Variants in DAB1 observed in about 807,000 individuals in gnomAD.
DAB1 encodes the protein disabled homolog 1.
A neutral mutation model predicts 64.6 loss-of-function variants in DAB1; 15 were observed. The observed-to-expected ratio is 0.23, with a 90% CI of 0.16 to 0.36. DAB1 has a LOEUF of 0.36. Among genes scored for constraint, DAB1 ranks in the 10% least tolerant of loss-of-function variants. The pLI, the probability that DAB1 is intolerant of heterozygous loss-of-function variation, is 1.00. For synonymous variants in DAB1, 235 were observed against 251.9 expected, an observed-to-expected ratio of 0.93 and a Z score of 0.64; for missense variants, 596 against 706.7, an observed-to-expected ratio of 0.84 and a Z score of 1.78.
intron 1 of DAB1, among the ~76,000 whole-genome samples, chr1:57,415,246 A>AACAC (rs111517848): frequency 0.22 from 31,500 of 143,100 alleles, 3,497 homozygotes; most frequent in Non-Finnish European, 0.26. Flanking sequence ...TACCTCACAC[A>AACAC]ACACACACAC....
intron 1 of DAB1, among the ~76,000 whole-genome samples, chr1:57,354,787 G>C (rs1462584126): frequency 6.6e-6 from 1 of 152,132 alleles, no homozygotes; most frequent in Non-Finnish European, 1.5e-5. Flanking sequence ...CATAACTGGA[G>C]ACAGGCAGCA....
At chr1:58,407,302 T>C (rs959843793) in intron 3 of DAB1, among the ~76,000 whole-genome samples, 1 of 152,166 alleles carries the variant, frequency 6.6e-6, no homozygotes, top group Non-Finnish European at 1.5e-5. Flanking sequence ...TTCCACCCCT[T>C]TTCTATCTCT....
At chr1:57,381,075 G>A (rs1235686273) in intron 1 of DAB1, among the ~76,000 whole-genome samples, 2 of 152,088 alleles carry the variant, frequency 1.3e-5, no homozygotes, top group African/African-American at 4.8e-5. Context: ...ACAACCTCAT[G>A]TTTCCCTGTC....
chr1:58,094,268 C>T (rs1266161983), intron 5 of DAB1, among the ~76,000 whole-genome samples: 1 of 152,178 alleles, frequency 6.6e-6, no homozygotes, highest in Non-Finnish European at 1.5e-5. Flanking sequence ...AGCTTTGCAG[C>T]TCTGTCATCC....
chr1:57,545,975 A>G (rs1213551425), intron 7 of DAB1, among the ~76,000 whole-genome samples: 2 of 152,204 alleles, frequency 1.3e-5, no homozygotes, highest in Non-Finnish European at 2.9e-5. Context: ...TACTCCTAAG[A>G]GTCCAGCTGG....
intron 7 of DAB1, among the ~76,000 whole-genome samples, chr1:57,600,045 T>A (rs535539047): frequency 6.6e-6 from 1 of 152,188 alleles, no homozygotes; most frequent in East Asian, 1.9e-4. Context: ...TCACATTTGA[T>A]ACCTTCTCGA....
At chr1:57,878,885 A>G (rs1644097061) in intron 1 of DAB1, 1 of 152,126 alleles carries the variant, frequency 6.6e-6, no homozygotes. Context: ...TCTATGAAAT[A>G]AGCTTTTTTA....
chr1:57,871,492 T>C lies in DAB1; in HGVS notation n.87+12507A>G, dbSNP rs75849209. Among the ~76,000 whole-genome samples the C allele has an allele frequency of 9.0e-3, 1,370 of 152,300 alleles. 20 individuals carry two copies. Among genetic ancestry groups the C allele is most frequent in the African/African-American group, 0.032 (1,323 of 41,570 alleles). On this transcript the variant is annotated intron_variant and non_coding_transcript_variant, in intron 1 of 1. Coordinates refer to the DAB1 transcript ENST00000477280. ...GCTGGGTTATTTAAACCAGGTCATC[T>C]GATTGTAGAACCTGCGCATCAATCA... is the stretch of plus-strand genomic sequence containing the variant.
At chr1:57,861,376 G>A (rs1174699291) in intron 1 of DAB1, among the ~76,000 whole-genome samples, 3 of 152,206 alleles carry the variant, frequency 2.0e-5, no homozygotes, top group Admixed American at 2.0e-4. Flanking sequence ...GCCCTCTTCT[G>A]GGTTACAGAT....
chr1:57,369,015 C>T (rs771185187), intron 1 of DAB1, among the ~76,000 whole-genome samples: 32 of 152,148 alleles, frequency 2.1e-4, no homozygotes, highest in Non-Finnish European at 3.8e-4. Flanking sequence ...GTAAGCATGA[C>T]ATTTGCTCCA....
chr1:57,316,794 A>G lies in DAB1; in HGVS notation c.-136-25628T>C, dbSNP rs143669343. On this transcript the variant is annotated intron_variant, in intron 1 of 14. Coordinates refer to ENST00000371236, the MANE Select transcript of DAB1 (RefSeq NM_001365792.1). ...CAAACCAACAGTGACGGCAACCTAC[A>G]TAAGGGCATAGACATTCAGATTCTG... 2.0e-4 allele frequency among the ~76,000 whole-genome samples: 31 copies of G among 152,252 alleles called. 1 individual carries two copies. In the East Asian group the frequency reaches 6.0e-3, roughly 29 times the overall value.
chr1:58,269,247 G>C (rs1427973751), intron 4 of DAB1, among the ~76,000 whole-genome samples: 1 of 149,592 alleles, frequency 6.7e-6, no homozygotes, highest in Admixed American at 6.8e-5. Flanking sequence ...TCCCACCTAT[G>C]AGTGAGAATA....
intron 5 of DAB1, among the ~76,000 whole-genome samples, chr1:58,016,011 G>A (rs74680107): frequency 2.0e-5 from 3 of 152,188 alleles, no homozygotes; most frequent in South Asian, 2.1e-4. Flanking sequence ...AGCCTAGGGG[G>A]GGGTAGTTGA....
chr1:57,354,530 G>A (rs1678901972), intron 1 of DAB1, among the ~76,000 whole-genome samples: 3 of 152,086 alleles, frequency 2.0e-5, no homozygotes, highest in Non-Finnish European at 4.4e-5. Flanking sequence ...CTGTTGGGTT[G>A]AGGGTGGGGG....
intron 6 of DAB1, among the ~76,000 whole-genome samples, chr1:57,737,162 C>G (rs114444201): frequency 0.017 from 2,610 of 152,250 alleles, 41 homozygotes; most frequent in Non-Finnish European, 0.03. Flanking sequence ...GGCTAACCAC[C>G]CAACCCACCT....
intron 5 of DAB1, among the ~76,000 whole-genome samples, chr1:58,060,507 T>C (rs1045657039): frequency 2.0e-5 from 3 of 152,216 alleles, no homozygotes; most frequent in African/African-American, 7.2e-5. Flanking sequence ...AAAGAGCGAC[T>C]GGTGAAAGCC....
At position 58,417,427 on chromosome 1, in the gene DAB1, G is replaced by T. The variant is rs554600440; in HGVS notation, n.258-74024C>A. On this transcript the variant is annotated intron_variant and non_coding_transcript_variant, in intron 3 of 20. Transcript: ENST00000485760. ...CAACACCCCAAATGCCAAGGGAAGA[G>T]AATCTGGTTGCCTAGTTTGGCTCAC... 5.3e-5 allele frequency among the ~76,000 whole-genome samples: 8 copies of T among 152,318 alleles called. No homozygotes were observed. In the East Asian group the frequency reaches 1.5e-3, roughly 29 times the overall value.
intron 1 of DAB1, among the ~76,000 whole-genome samples, chr1:57,362,579 T>C (rs928279443): frequency 6.6e-6 from 1 of 152,138 alleles, no homozygotes; most frequent in Non-Finnish European, 1.5e-5. Context: ...AGGTGAGCCC[T>C]AGTGAGTGGG....
At chr1:58,149,668 A>G in intron 5 of DAB1, among the ~76,000 whole-genome samples, 1 of 152,166 alleles carries the variant, frequency 6.6e-6, no homozygotes, top group South Asian at 2.1e-4. Flanking sequence ...GTTGAAACCA[A>G]CAGCTGCACA....
Sources: gnomAD v4.1 joint callset for allele counts (sites outside exome capture counted in the v4.1 genomes callset) on GRCh38, gnomAD v4.1.1 for gene constraint, MANE v1.5 for transcripts, NCBI Gene and HGNC (gene_info 2026-07-23, HGNC 2026-07-21) for gene names.